CRPPA: variants seen among roughly 807,000 people sequenced by gnomAD.
The protein encoded by CRPPA is CDP-L-ribitol pyrophosphorylase A.
Under a neutral mutation model 52.0 loss-of-function variants are expected in CRPPA, and 43 were observed. The observed-to-expected ratio is 0.83, with a 90% CI of 0.65 to 1.07. CRPPA has a LOEUF of 1.07. Among genes scored for constraint, CRPPA ranks in the 50% least tolerant of loss-of-function variants. CRPPA has a pLI of 0.00. For synonymous variants in CRPPA, 250 were observed against 203.5 expected (o/e 1.23, Z -1.94); for missense variants, 629 against 551.7 (o/e 1.14, Z -1.40).
At chr7:16,155,835 A>T (rs1783168206) in intron 9 of CRPPA, among the ~76,000 whole-genome samples, 1 of 152,162 alleles carries the variant, frequency 6.6e-6, no homozygotes, top group Non-Finnish European at 1.5e-5. Flanking sequence ...TCAACTGTAC[A>T]AACTCCTTAC....
At chr7:16,205,322 G>C (rs1562555620) in intron 9 of CRPPA, among the ~76,000 whole-genome samples, 1 of 152,140 alleles carries the variant, frequency 6.6e-6, no homozygotes, top group Non-Finnish European at 1.5e-5. Flanking sequence ...TCATGATGTT[G>C]CTGGCAAAGC....
intron 8 of CRPPA, among the ~76,000 whole-genome samples, chr7:16,227,669 A>C (rs901548386): frequency 6.6e-6 from 1 of 151,806 alleles, no homozygotes; most frequent in African/African-American, 2.4e-5. Flanking sequence ...TATAGTTCGC[A>C]TATGAGATGT....
Position 16,376,078 on chromosome 7 carries a change from G to C in CRPPA, c.684+14C>G. On this transcript the variant is annotated intron_variant, in intron 3 of 9. Coordinates refer to ENST00000407010, the MANE Select transcript of CRPPA (RefSeq NM_001101426.4). ...GACATAACAGCAGCTTATTCAAAAAGCCCAAATTCTTACCTGCTGATATGC... is the reference window on the plus strand; with the variant it reads ...GACATAACAGCAGCTTATTCAAAAACCCCAAATTCTTACCTGCTGATATGC... The C allele has an allele frequency of 6.4e-7, 1 of 1,555,590 alleles. No homozygotes were observed. Among genetic ancestry groups the C allele is most frequent in the Non-Finnish European group, 8.7e-7 (1 of 1,151,532 alleles).
intron 2 of CRPPA, among the ~76,000 whole-genome samples, chr7:16,399,380 A>G (rs545292322): frequency 1.3e-5 from 2 of 151,634 alleles, no homozygotes; most frequent in South Asian, 4.2e-4. Context: ...CATTTGTGAC[A>G]CGATTGAAGT....
In CRPPA at chr7:16,216,009, C is replaced by A. The variant is rs1271666806; in HGVS notation, c.1251+57G>T. The A allele has an allele frequency of 3.8e-6, 5 of 1,327,372 alleles. No individual in the cohort carries two copies. The Admixed American group carries it at 9.4e-5, about 25-fold the overall frequency. The allele number at this position is 1,327,372 out of a possible 1,614,324, so 82.2% of individuals were successfully genotyped here. On this transcript the variant is annotated intron_variant, in intron 9 of 9. Coordinates refer to ENST00000407010, the MANE Select transcript of CRPPA (RefSeq NM_001101426.4). ...CCTCCTGCTTTTAACAAATCAGATA[C>A]CTACCATTAAAACTAGTCTACAGAA...
chr7:16,390,455 C>A (rs1787412908), intron 2 of CRPPA, among the ~76,000 whole-genome samples: 1 of 152,078 alleles, frequency 6.6e-6, no homozygotes, highest in Admixed American at 6.5e-5. Flanking sequence ...CCAAGGTCAC[C>A]AATGACCCCC....
At chr7:16,289,195 A>T (rs1355720613) in intron 5 of CRPPA, among the ~76,000 whole-genome samples, 1 of 152,148 alleles carries the variant, frequency 6.6e-6, no homozygotes, top group Non-Finnish European at 1.5e-5. Context: ...ATTATTAACG[A>T]GATTGAATCA....
At chr7:16,268,414 C>T (rs1258456641) in intron 6 of CRPPA, among the ~76,000 whole-genome samples, 2 of 152,072 alleles carry the variant, frequency 1.3e-5, no homozygotes, top group South Asian at 2.1e-4. Flanking sequence ...AACCTGAAAA[C>T]TGCCATCAAA....
chr7:16,109,573 C>G (rs1259243840), intron 9 of CRPPA, among the ~76,000 whole-genome samples: 1 of 151,816 alleles, frequency 6.6e-6, no homozygotes, highest in African/African-American at 2.4e-5. Flanking sequence ...AACATAGATG[C>G]CAAAGTCCTC....
intron 5 of CRPPA, among the ~76,000 whole-genome samples, chr7:16,300,774 AG>A: frequency 6.6e-6 from 1 of 152,246 alleles, no homozygotes; most frequent in Non-Finnish European, 1.5e-5. Context: ...ACAAAAATAC[AG>A]AAAGACTGTC....
intron 9 of CRPPA, among the ~76,000 whole-genome samples, chr7:16,130,626 T>C (rs746378711): frequency 1.3e-5 from 2 of 152,200 alleles, no homozygotes; most frequent in Admixed American, 6.5e-5. Flanking sequence ...TGTTCTCTTT[T>C]CCTTTTGTAC....
chr7:16,216,167 G>A lies in CRPPA; in HGVS notation c.1150C>T (p.Pro384Ser). 1 of 1,587,464 alleles carries A rather than the reference G, an allele frequency of 6.3e-7. No homozygotes were observed. Among genetic ancestry groups the A allele is most frequent in the Non-Finnish European group, 8.6e-7 (1 of 1,160,956 alleles). Residue 384 changes from proline to serine, a missense_variant, in exon 9 of 10, where the codon CCC becomes TCC. Pro to Ser is a moderately conservative substitution (Grantham distance 74). Transcript: ENST00000407010. ...ATTAGGTTTTCCATTTTCTGACTGGGAGGTACTAATTTAAAATCAAGAAAA... is the reference window on the plus strand; with the variant it reads ...ATTAGGTTTTCCATTTTCTGACTGGAAGGTACTAATTTAAAATCAAGAAAA... ...VHFLDFKLVPPSQKMENLMQI... is the reference protein window; with the variant it reads ...VHFLDFKLVPSSQKMENLMQI...
chr7:16,121,028 G>C (rs945043271), intron 9 of CRPPA, among the ~76,000 whole-genome samples: 1 of 151,896 alleles, frequency 6.6e-6, no homozygotes, highest in East Asian at 1.9e-4. Flanking sequence ...AAAACAATCA[G>C]CAATAGTATA....
chr7:16,136,346 A>C (rs1398622608), intron 9 of CRPPA, among the ~76,000 whole-genome samples: 1 of 152,212 alleles, frequency 6.6e-6, no homozygotes, highest in African/African-American at 2.4e-5. Context: ...ATACTTAATA[A>C]CCATGAGATA....
intron 9 of CRPPA, among the ~76,000 whole-genome samples, chr7:16,190,221 A>C (rs887176574): frequency 1.3e-5 from 2 of 152,158 alleles, no homozygotes; most frequent in African/African-American, 4.8e-5. Context: ...GTCTGCCTTA[A>C]TTTTTCCCAA....
rs143162364 is a variant in CRPPA at position 16,354,660 on chromosome 7, T to TTTA, written c.684+21429_684+21431dup. Among the ~76,000 whole-genome samples, 434 of 151,820 alleles carry TTTA rather than the reference T, an allele frequency of 2.9e-3. 5 individuals are homozygous for TTTA. The highest frequency in any genetic ancestry group is 0.01 in the African/African-American group (425 of 41,476). ...GGACATAAAATTTTTCCTTGCAGTT[T>TTTA]TTATTATTATTATTATTACCCCAAA... On this transcript the variant is annotated intron_variant, in intron 3 of 9. Coordinates refer to ENST00000407010, the MANE Select transcript of CRPPA (RefSeq NM_001101426.4).
chr7:16,338,463 C>T (rs1407510185), intron 3 of CRPPA, among the ~76,000 whole-genome samples: 2 of 152,084 alleles, frequency 1.3e-5, no homozygotes, highest in East Asian at 3.9e-4. Flanking sequence ...AGTGTTTCCT[C>T]TAAGATTAGG....
intron 8 of CRPPA, among the ~76,000 whole-genome samples, chr7:16,230,309 T>C (rs1370070515): frequency 3.3e-5 from 5 of 152,138 alleles, no homozygotes; most frequent in African/African-American, 1.2e-4. Context: ...CTTTCTTCAT[T>C]CCTTTATTTC....
chr7:16,335,605 A>G (rs965960109), intron 3 of CRPPA, among the ~76,000 whole-genome samples: 1 of 152,198 alleles, frequency 6.6e-6, no homozygotes, highest in Non-Finnish European at 1.5e-5. Flanking sequence ...ACAAAGAGAG[A>G]AAAGAATAAA....
Sources: gnomAD v4.1 joint callset for allele counts (sites outside exome capture counted in the v4.1 genomes callset) on GRCh38, gnomAD v4.1.1 for gene constraint, MANE v1.5 for transcripts, NCBI Gene and HGNC (gene_info 2026-07-23, HGNC 2026-07-21) for gene names.